The following KIAA1549L variants were observed in gnomAD, a reference collection of about 807,000 sequenced individuals.
KIAA1549L encodes UPF0606 protein KIAA1549L.
In KIAA1549L, 88 loss-of-function variants were observed where a neutral mutation model predicts 160.7. The ratio of observed to expected loss-of-function variants is 0.55; its 90% CI spans 0.46 to 0.65. The LOEUF is 0.65. Among genes scored for constraint, KIAA1549L ranks in the 30% least tolerant of loss-of-function variants. KIAA1549L has a pLI of 0.00. For missense variants in KIAA1549L, 2,258 were observed against 2,437.5 expected (o/e 0.93, Z 1.55); for synonymous variants, 950 against 976.7 (o/e 0.97, Z 0.51).
chr11:33,501,991 T>C (rs1359487794), intron 1 of KIAA1549L, among the ~76,000 whole-genome samples: 2 of 151,990 alleles, frequency 1.3e-5, no homozygotes, highest in East Asian at 1.9e-4. Flanking sequence ...GAAGATGATA[T>C]GGGAGGAAAG....
At chr11:33,551,996 T>A in intron 5 of KIAA1549L, 112 bp from the exon 6 acceptor site, 1 of 1,181,950 alleles carries the variant, frequency 8.5e-7, no homozygotes, top group Non-Finnish European at 1.2e-6. Flanking sequence ...ATTATTTATT[T>A]GCCTAATTCC....
chr11:33,486,392 C>A (rs777482705), intron 1 of KIAA1549L, among the ~76,000 whole-genome samples: 2 of 152,128 alleles, frequency 1.3e-5, no homozygotes, highest in Non-Finnish European at 2.9e-5. Flanking sequence ...TTGGATCATA[C>A]ATTGCTTGGT....
chr11:33,549,611 A>G (rs775550762), intron 4 of KIAA1549L, among the ~76,000 whole-genome samples: 1 of 152,218 alleles, frequency 6.6e-6, no homozygotes, highest in Non-Finnish European at 1.5e-5. Context: ...CACAATGTGG[A>G]GGAAGCAAAG....
intron 15 of KIAA1549L, among the ~76,000 whole-genome samples, chr11:33,614,955 A>G (rs866248811): frequency 6.6e-6 from 1 of 151,790 alleles, no homozygotes; most frequent in South Asian, 2.1e-4. Flanking sequence ...TCTATTGGCC[A>G]TGCCATACCT....
At chr11:33,452,865 A>G (rs2025119) in intron 1 of KIAA1549L, among the ~76,000 whole-genome samples, 67,825 of 151,780 alleles carry the variant, frequency 0.45, 15,411 homozygotes, top group Admixed American at 0.49. Flanking sequence ...TGGAGGCTGG[A>G]GCAAGTGGGA....
chr11:33,409,397 T>C (rs898152880), intron 1 of KIAA1549L, among the ~76,000 whole-genome samples: 2 of 152,202 alleles, frequency 1.3e-5, no homozygotes, highest in Non-Finnish European at 2.9e-5. Context: ...ATTTCTGAGT[T>C]CTTGTTTTTC....
chr11:33,380,447 T>A (rs1473650830), intron 1 of KIAA1549L, among the ~76,000 whole-genome samples: 2 of 152,204 alleles, frequency 1.3e-5, no homozygotes, highest in Non-Finnish European at 2.9e-5. Flanking sequence ...AAGAATTTCT[T>A]CTGATTACGT....
intron 1 of KIAA1549L, among the ~76,000 whole-genome samples, chr11:33,482,199 T>C (rs1371324902): frequency 4.6e-5 from 7 of 152,228 alleles, no homozygotes; most frequent in Admixed American, 4.6e-4. Context: ...TTTTATACCC[T>C]CAATTTTGAG....
At position 33,574,883 on chromosome 11, in the gene KIAA1549L, T is replaced by C. The variant is rs745580299; in HGVS notation, c.4402+10T>C. The stretch of plus-strand genomic sequence containing the variant: ...CTTCTGCAAGCTGACCGTAAGGGAA[T>C]GGTCTTTTTATTCAGTCTTTTTAAT... On this transcript the variant is annotated intron_variant, in intron 10 of 20. Transcript: ENST00000658780. The C allele has an allele frequency of 1.2e-6, 2 of 1,608,332 alleles. No homozygotes were observed. Among genetic ancestry groups the C allele is most frequent in the East Asian group, 2.2e-5 (1 of 44,836 alleles).
chr11:33,621,414 T>A (rs1400247435), intron 16 of KIAA1549L, among the ~76,000 whole-genome samples: 1 of 152,130 alleles, frequency 6.6e-6, no homozygotes, highest in African/African-American at 2.4e-5. Context: ...GGTAGTAATA[T>A]TCTAGAAGGA....
intron 6 of KIAA1549L, among the ~76,000 whole-genome samples, chr11:33,558,333 G>C (rs1445077094): frequency 6.6e-6 from 1 of 152,158 alleles, no homozygotes; most frequent in Non-Finnish European, 1.5e-5. Flanking sequence ...GGACCCGATG[G>C]GGTGAGTGCG....
intron 1 of KIAA1549L, among the ~76,000 whole-genome samples, chr11:33,442,400 G>A (rs1851528342): frequency 6.6e-6 from 1 of 152,112 alleles, no homozygotes; most frequent in African/African-American, 2.4e-5. Flanking sequence ...ACTTGGCAAT[G>A]CGGGCTCTTT....
chr11:33,653,934 A>AT (rs370702808), intron 17 of KIAA1549L, among the ~76,000 whole-genome samples: 21 of 130,078 alleles, frequency 1.6e-4, no homozygotes, highest in African/African-American at 4.2e-4. Flanking sequence ...TCTTTTTCAA[A>AT]TCTGCTGGAT....
In KIAA1549L at chr11:33,657,050, C is replaced by G. The variant is rs529418978; in HGVS notation, c.5858+941C>G. Among the ~76,000 whole-genome samples, 57 of 152,216 alleles carry G rather than the reference C, an allele frequency of 3.7e-4. 2 individuals carry two copies. The South Asian group carries it at 0.012, about 32-fold the overall frequency. Reference sequence around the variant, plus strand: ...AGAAAGGGGTCTCAGAATTGCTTATCGAGCATAACTCAGAAATTTTCCCAG... The same window carrying G: ...AGAAAGGGGTCTCAGAATTGCTTATGGAGCATAACTCAGAAATTTTCCCAG... On this transcript the variant is annotated intron_variant, in intron 18 of 20. Coordinates refer to ENST00000658780, the MANE Select transcript of KIAA1549L (RefSeq NM_012194.3).
At chr11:33,494,944 GAA>G (rs1458202273) in intron 1 of KIAA1549L, among the ~76,000 whole-genome samples, 2 of 152,164 alleles carry the variant, frequency 1.3e-5, no homozygotes, top group Admixed American at 6.5e-5. Context: ...TGATAGGAGA[GAA>G]ATGCGTTCTT....
At chr11:33,501,605 T>A (rs1489830327) in intron 1 of KIAA1549L, among the ~76,000 whole-genome samples, 1 of 152,152 alleles carries the variant, frequency 6.6e-6, no homozygotes, top group Non-Finnish European at 1.5e-5. Context: ...TGTAAATACT[T>A]TGAGATACTT....
intron 16 of KIAA1549L, among the ~76,000 whole-genome samples, chr11:33,633,829 T>C (rs1221178656): frequency 6.6e-6 from 1 of 152,232 alleles, no homozygotes; most frequent in Non-Finnish European, 1.5e-5. Flanking sequence ...TTAGGCCAGT[T>C]ACCTTCCTAT....
In KIAA1549L at chr11:33,669,013, T is replaced by A. The variant is rs920780668; in HGVS notation, c.*859T>A. 3 of 152,304 alleles carry A rather than the reference T, an allele frequency of 2.0e-5. No individual in the cohort carries two copies. Among genetic ancestry groups the A allele is most frequent in the African/African-American group, 7.2e-5 (3 of 41,568 alleles). The allele number at this position is 152,304 out of a possible 1,614,324, so 9.4% of individuals were successfully genotyped here. On this transcript the variant is annotated 3_prime_UTR_variant, in exon 21 of 21. Coordinates refer to ENST00000658780, the MANE Select transcript of KIAA1549L (RefSeq NM_012194.3). The stretch of plus-strand genomic sequence containing the variant: ...GGCCTGAGAATGGAGCTTCTCTTTT[T>A]CTTGGGATAATAGATACATCAACTT...
At chr11:33,612,681 G>T (rs1458147010) in intron 15 of KIAA1549L, among the ~76,000 whole-genome samples, 3 of 151,998 alleles carry the variant, frequency 2.0e-5, no homozygotes, top group Non-Finnish European at 4.4e-5. Context: ...CATGGGGTTG[G>T]TTGTATGGAT....
Sources: allele counts gnomAD v4.1 joint callset (sites outside exome capture counted in the v4.1 genomes callset), GRCh38; gene constraint gnomAD v4.1.1; transcripts MANE v1.5; gene names NCBI Gene and HGNC (gene_info 2026-07-23, HGNC 2026-07-21).